The following AMBN variants were observed in gnomAD, a reference collection of about 807,000 sequenced individuals.
AMBN encodes enamel matrix protein.
A neutral mutation model predicts 48.0 loss-of-function variants in AMBN; 54 were observed. The ratio of observed to expected loss-of-function variants is 1.12; its 90% CI spans 0.90 to 1.41. The LOEUF is 1.41. AMBN is among the 40% of genes most tolerant of loss of function. AMBN has a pLI of 0.00. For synonymous variants in AMBN, 186 were observed against 190.0 expected (o/e 0.98, Z 0.17); for missense variants, 571 against 547.3 (o/e 1.04, Z -0.43).
chr4:70,604,992 TAAAAA>T (rs67400307), intron 12 of AMBN, among the ~76,000 whole-genome samples: 1 of 145,228 alleles, frequency 6.9e-6, no homozygotes. Flanking sequence ...GACCCTGCCT[TAAAAA>T]AAAAAAAAAA....
intron 4 of AMBN, among the ~76,000 whole-genome samples, chr4:70,599,067 G>T (rs961004673): frequency 2.0e-5 from 3 of 150,790 alleles, no homozygotes; most frequent in Non-Finnish European, 4.4e-5. Context: ...GAGCCACCAC[G>T]TCCAGCCATA....
At chr4:70,604,079 A>G (rs942886149) in intron 12 of AMBN, among the ~76,000 whole-genome samples, 158 bp downstream of exon 12, 1 of 152,224 alleles carries the variant, frequency 6.6e-6, no homozygotes, top group Non-Finnish European at 1.5e-5. Flanking sequence ...AGCAATATCC[A>G]AAGATTTCAT....
Position 70,601,953 on chromosome 4 carries a change from G to T in AMBN, c.531+299G>T, listed in dbSNP as rs111295696. 2,553 of 517,958 alleles carry T rather than the reference G, an allele frequency of 4.9e-3. 26 individuals carry two copies. Among genetic ancestry groups the T allele is most frequent in the Admixed American group, 0.025 (1,108 of 43,870 alleles). The allele number at this position is 517,958 out of a possible 1,614,324, so 32.1% of individuals were successfully genotyped here. ...GGAAATAGAATAAAACCCCAGAGAA[G>T]TCCAGGTTTCCTATCACTGGTCTTT... On this transcript the variant is annotated intron_variant, in intron 6 of 12. Coordinates refer to ENST00000322937, the MANE Select transcript of AMBN (RefSeq NM_016519.6).
Position 70,601,523 on chromosome 4 carries a change from A to G in AMBN, c.400A>G (p.Thr134Ala), listed in dbSNP as rs1737521167. 6.2e-7 allele frequency: 1 copy of G among 1,613,998 alleles called. No homozygotes were observed. The highest frequency in any genetic ancestry group is 8.5e-7 in the Non-Finnish European group (1 of 1,179,986). ...KPFLQSAAATTNQATALKEAL... is the reference protein window; with the variant it reads ...KPFLQSAAATANQATALKEAL... ...TTTTCTCCAGTCTGCTGCTGCAACC[A>G]CCAACCAGGCCACAGCACTGAAAGA... Residue 134 changes from threonine (T) to alanine (A), a missense_variant, in exon 6 of 13, where the codon ACC becomes GCC. Transcript: ENST00000322937.
Position 70,602,615 on chromosome 4 carries a change from G to C in AMBN, c.532-9G>C, listed in dbSNP as rs374742197. 70 of 1,547,204 alleles carry C rather than the reference G, an allele frequency of 4.5e-5. 1 individual carries two copies. The highest frequency in any genetic ancestry group is 3.9e-4 in the East Asian group (17 of 43,890). ...TGACTGATAATTTTAATATTTATCT[G>C]TGATATAGCTCCCAGGAGTAGATTT... On this transcript the variant is annotated splice_polypyrimidine_tract_variant and intron_variant, in intron 6 of 12. Coordinates refer to ENST00000322937, the MANE Select transcript of AMBN (RefSeq NM_016519.6).
intron 11 of AMBN, 124 bp from the exon 12 acceptor site, chr4:70,603,753 C>T: frequency 1.0e-6 from 1 of 990,098 alleles, no homozygotes; most frequent in East Asian, 2.6e-5. Context: ...CACCTCTCCA[C>T]TTTGCCTCTG....
At chr4:70,606,117 G>A in intron 12 of AMBN, 68 bp from the exon 13 acceptor site, 2 of 1,549,582 alleles carry the variant, frequency 1.3e-6, no homozygotes, top group Non-Finnish European at 8.8e-7. Context: ...AATGTGACCA[G>A]GTATAGCTGC....
Position 70,603,904 on chromosome 4 carries a change from A to G in AMBN, c.781A>G (p.Ser261Gly), listed in dbSNP as rs991332769. 6.2e-7 allele frequency: 1 copy of G among 1,613,928 alleles called. No homozygotes were observed. The highest frequency in any genetic ancestry group is 1.3e-5 in the African/African-American group (1 of 74,926). The stretch of plus-strand genomic sequence containing the variant: ...TGCCCCTGCCAGACTTGGCATCATG[A>G]GTTCAGAAGAAGTGGCAGTGAGTAA... Reference protein sequence around the residue: ...LNAPARLGIMSSEEVAGGRED... With the variant: ...LNAPARLGIMGSEEVAGGRED... The change falls in exon 12 of 13, where the codon AGT (serine) becomes GGT (glycine). Residue 261 changes from serine to glycine, a missense_variant. Coordinates refer to ENST00000322937, the MANE Select transcript of AMBN (RefSeq NM_016519.6).
At chr4:70,602,932 C>A in intron 8 of AMBN, 40 bp from the exon 9 acceptor site, 1 of 1,545,376 alleles carries the variant, frequency 6.5e-7, no homozygotes, top group South Asian at 1.2e-5. Flanking sequence ...TATTTTGTTC[C>A]TTTTTTGACT....
intron 5 of AMBN, among the ~76,000 whole-genome samples, chr4:70,601,038 ATT>A (rs1737508891): frequency 6.6e-6 from 1 of 152,192 alleles, no homozygotes; most frequent in Non-Finnish European, 1.5e-5. Context: ...AAAACATATC[ATT>A]CTCTCTCCGT....
chr4:70,602,913 G>T, intron 8 of AMBN, 59 bp from the exon 9 acceptor site: 1 of 1,521,068 alleles, frequency 6.6e-7, no homozygotes, highest in Non-Finnish European at 8.9e-7. Context: ...TCTTTTATTT[G>T]CATTTATCTA....
chr4:70,596,255 G>A (rs1288291913), intron 2 of AMBN, among the ~76,000 whole-genome samples: 1 of 149,800 alleles, frequency 6.7e-6, no homozygotes, highest in Non-Finnish European at 1.5e-5. Flanking sequence ...ACTCCAGCCT[G>A]GGTGACACAG....
In AMBN at chr4:70,606,379, C is replaced by T. The variant is rs1201697495; in HGVS notation, c.993C>T (p.Ala331=). Residue 331 remains alanine (A), a synonymous_variant, in exon 13 of 13, where the codon GCC becomes GCT. Transcript: ENST00000322937. ...GGAQGSPMPE[A]NPDNLENPAF... ...CACAAGGCTCCCCTATGCCGGAGGC[C>T]AACCCAGACAATCTAGAAAACCCAG... 1 of 1,614,056 alleles carries T rather than the reference C, an allele frequency of 6.2e-7. No homozygotes were observed. Among genetic ancestry groups the T allele is most frequent in the Non-Finnish European group, 8.5e-7 (1 of 1,180,000 alleles).
At position 70,603,932 on chromosome 4, in the gene AMBN, T is replaced by C; in HGVS notation, c.798+11T>C. On this transcript the variant is annotated intron_variant, in intron 12 of 12. Transcript: ENST00000322937. ...TCAGAAGAAGTGGCAGTGAGTAATG[T>C]CTTCTAACTCTTCTTAAAATAGTGG... is the stretch of plus-strand genomic sequence containing the variant. 6.2e-7 allele frequency: 1 copy of C among 1,613,226 alleles called. No individual in the cohort carries two copies. The highest frequency in any genetic ancestry group is 8.5e-7 in the Non-Finnish European group (1 of 1,179,296).
intron 2 of AMBN, 102 bp downstream of exon 2, chr4:70,593,497 T>G (rs1737321097): frequency 1.2e-5 from 12 of 987,928 alleles, no homozygotes; most frequent in East Asian, 5.0e-5. Flanking sequence ...TAGACTCACT[T>G]GATTTAATCC....
chr4:70,603,916 G>A lies in AMBN; in HGVS notation c.793G>A (p.Val265Met). ...ARLGIMSSEEVAGGREDPMAY... is the reference protein window; with the variant it reads ...ARLGIMSSEEMAGGREDPMAY... ...ACTTGGCATCATGAGTTCAGAAGAA[G>A]TGGCAGTGAGTAATGTCTTCTAACT... The change falls in exon 12 of 13, where the codon GTG becomes ATG. Residue 265 changes from valine (V) to methionine (M), a missense_variant. Val to Met is a conservative substitution (Grantham distance 21). Coordinates refer to ENST00000322937, the MANE Select transcript of AMBN (RefSeq NM_016519.6). The A allele has an allele frequency of 6.2e-7, 1 of 1,613,988 alleles. No individual in the cohort carries two copies. Among genetic ancestry groups the A allele is most frequent in the Non-Finnish European group, 8.5e-7 (1 of 1,179,910 alleles).
intron 12 of AMBN, among the ~76,000 whole-genome samples, chr4:70,604,685 C>T (rs1445076951): frequency 6.6e-6 from 1 of 150,442 alleles, no homozygotes; most frequent in East Asian, 1.9e-4. Flanking sequence ...ATACTGTAAA[C>T]AAGACAAGGT....
chr4:70,601,756 A>G (rs1214098170), intron 6 of AMBN, 102 bp downstream of exon 6: 1 of 1,004,444 alleles, frequency 1.0e-6, no homozygotes, highest in Non-Finnish European at 1.5e-6. Context: ...TTCAGGCATA[A>G]TACGTGATAT....
chr4:70,598,569 A>G (rs1737442352), intron 4 of AMBN, among the ~76,000 whole-genome samples, 166 bp downstream of exon 4: 1 of 152,200 alleles, frequency 6.6e-6, no homozygotes, highest in Admixed American at 6.5e-5. Context: ...TGACAGGGAA[A>G]AACAAAAACA....
Sources: allele counts gnomAD v4.1 joint callset (sites outside exome capture counted in the v4.1 genomes callset), GRCh38; gene constraint gnomAD v4.1.1; transcripts MANE v1.5; gene names NCBI Gene and HGNC (gene_info 2026-07-23, HGNC 2026-07-21).